Variants in GPSM1 observed in about 807,000 individuals in gnomAD.
The protein encoded by GPSM1 is G protein signaling modulator 1, also known as G protein-signaling modulator 1.
In GPSM1, 48 loss-of-function variants were observed where a neutral mutation model predicts 70.5. The observed-to-expected ratio is 0.68, with a 90% CI of 0.54 to 0.87. The LOEUF (loss-of-function observed/expected upper bound fraction) is 0.87, where lower values mean the gene tolerates loss of function less well. Ranked by LOEUF, GPSM1 falls within the 40% of genes least tolerant of loss-of-function variation. The pLI is 0.00. For missense variants in GPSM1, 981 were observed against 972.6 expected (o/e 1.01, Z -0.11); for synonymous variants, 416 against 430.1 (o/e 0.97, Z 0.41).
Position 136,337,073 on chromosome 9 carries a change from G to A in GPSM1, c.578+1G>A. 1.3e-6 allele frequency: 2 copies of A among 1,550,608 alleles called. No individual in the cohort carries two copies. The highest frequency in any genetic ancestry group is 1.7e-6 in the Non-Finnish European group (2 of 1,147,084). On this transcript the variant is annotated splice_donor_variant, in intron 4 of 13. Coordinates refer to ENST00000440944, the MANE Select transcript of GPSM1 (RefSeq NM_001145638.3). LOFTEE classifies it high-confidence loss of function. ...TGTGCAAGGCCTCCGAGTTCTACGA[G>A]TGAGTGGGGCAGGGCCAGCCCAGGG...
Position 136,352,513 on chromosome 9 carries a change from G to A in GPSM1, c.1455+2750G>A, listed in dbSNP as rs181503322. Reference sequence around the variant, plus strand: ...GGCAGGGTTGGCCTCAGAGGCTGGAGACAGTGTAGGTCCAACCAGGAATGA... The same window carrying A: ...GGCAGGGTTGGCCTCAGAGGCTGGAAACAGTGTAGGTCCAACCAGGAATGA... On this transcript the variant is annotated intron_variant, in intron 11 of 13. Coordinates refer to ENST00000440944, the MANE Select transcript of GPSM1 (RefSeq NM_001145638.3). 3.7e-4 allele frequency among the ~76,000 whole-genome samples: 56 copies of A among 152,364 alleles called. No homozygotes were observed. The East Asian group carries it at 9.6e-3, about 26-fold the overall frequency.
Position 136,327,776 on chromosome 9 carries a change from G to T in GPSM1, c.68+13G>T. 2 of 1,078,210 alleles carry T rather than the reference G, an allele frequency of 1.9e-6. No homozygotes were observed. The highest frequency in any genetic ancestry group is 2.3e-6 in the Non-Finnish European group (2 of 864,734). The allele number at this position is 1,078,210 out of a possible 1,614,324, so 66.8% of individuals were successfully genotyped here. ...GCCTCTACTCCAGGTAGGACGGGCC[G>T]GGGCCGGGGCCGGGGCCGGGGCTGG... On this transcript the variant is annotated intron_variant, in intron 1 of 13. Transcript: ENST00000440944.
chr9:136,331,446 A>G (rs1180076934), intron 1 of GPSM1, among the ~76,000 whole-genome samples: 1 of 143,004 alleles, frequency 7.0e-6, no homozygotes, highest in Admixed American at 6.9e-5. Flanking sequence ...GGTCGGGTGG[A>G]GCAGAGGAGG....
chr9:136,353,376 G>A (rs1327423673), intron 11 of GPSM1, among the ~76,000 whole-genome samples: 3 of 152,210 alleles, frequency 2.0e-5, no homozygotes, highest in Admixed American at 2.0e-4. Flanking sequence ...AGAGGTTAGA[G>A]CAGGGAGGCG....
At chr9:136,330,894 C>T (rs28457182) in intron 1 of GPSM1, among the ~76,000 whole-genome samples, 65,342 of 151,750 alleles carry the variant, frequency 0.43, 14,283 homozygotes, top group Middle Eastern at 0.54. Context: ...GGTCCTGCCC[C>T]GCCTTTGGCC....
At position 136,358,283 on chromosome 9, in the gene GPSM1, A is replaced by G. The variant is rs1055875428; in HGVS notation, c.*63A>G. ...TCCTGGACGCCGGTCTCACAGTCAC[A>G]GCCACGTCCTCCCGAGGCCATTGCC... On this transcript the variant is annotated 3_prime_UTR_variant, in exon 14 of 14. Coordinates refer to ENST00000440944, the MANE Select transcript of GPSM1 (RefSeq NM_001145638.3). 1 of 1,373,474 alleles carries G rather than the reference A, an allele frequency of 7.3e-7. No homozygotes were observed. The highest frequency in any genetic ancestry group is 1.0e-6 in the Non-Finnish European group (1 of 1,004,994). 85.1% of individuals were successfully genotyped at this position (1,373,474 alleles called of 1,614,324 possible).
intron 1 of GPSM1, among the ~76,000 whole-genome samples, chr9:136,328,658 C>T (rs569316051): frequency 7.2e-5 from 11 of 152,228 alleles, no homozygotes; most frequent in African/African-American, 2.4e-4. Flanking sequence ...CTGGGGCACC[C>T]GAAATGAGGT....
intron 11 of GPSM1, chr9:136,354,855 G>T: frequency 9.9e-7 from 1 of 1,005,084 alleles, no homozygotes; most frequent in Non-Finnish European, 1.2e-6. Flanking sequence ...CTGACACAGG[G>T]TGTGGTGGGC....
chr9:136,356,037 C>T (rs1288583873), intron 12 of GPSM1, among the ~76,000 whole-genome samples, 191 bp downstream of exon 12: 1 of 152,104 alleles, frequency 6.6e-6, no homozygotes, highest in Non-Finnish European at 1.5e-5. Flanking sequence ...ATCAGCCCGC[C>T]CTCCGGGACA....
intron 1 of GPSM1, 118 bp from the exon 2 acceptor site, chr9:136,334,329 G>C (rs551286663): frequency 1.4e-6 from 1 of 692,858 alleles, no homozygotes; most frequent in Non-Finnish European, 2.5e-6. Flanking sequence ...TGTGAGCACA[G>C]ATGTGGTGTG....
At chr9:136,348,644 C>G in intron 9 of GPSM1, 53 bp from the exon 10 acceptor site, 1 of 1,401,626 alleles carries the variant, frequency 7.1e-7, no homozygotes. Context: ...CCTGGCCCAC[C>G]CAATGCGAGG....
intron 7 of GPSM1, among the ~76,000 whole-genome samples, chr9:136,339,071 CAG>C (rs1336492381): frequency 6.6e-6 from 1 of 152,186 alleles, no homozygotes; most frequent in Non-Finnish European, 1.5e-5. Flanking sequence ...ACAAGGGGCT[CAG>C]AGCCACAGGC....
chr9:136,348,642 AC>A, intron 9 of GPSM1, 54 bp from the exon 10 acceptor site: 1 of 1,378,228 alleles, frequency 7.3e-7, no homozygotes, highest in East Asian at 2.4e-5. Flanking sequence ...GGCCTGGCCC[AC>A]CCAATGCGAG....
chr9:136,356,531 A>T lies in GPSM1; in HGVS notation c.1802A>T (p.Asn601Ile), dbSNP rs781926492. Residue 601 changes from asparagine (N) to isoleucine (I), a missense_variant, in exon 13 of 14, where the codon AAC becomes ATC. Transcript: ENST00000440944. ...CAGGAGCCGGGGGACGACTTCTTCA[A>T]CATGCTCATCAAGTACCAGGTGGGC... is the stretch of plus-strand genomic sequence containing the variant. ...EPQEPGDDFF[N>I]MLIKYQSSRI... 6.2e-7 allele frequency: 1 copy of T among 1,611,192 alleles called. No individual in the cohort carries two copies. The highest frequency in any genetic ancestry group is 1.3e-5 in the African/African-American group (1 of 74,828).
Position 136,349,749 on chromosome 9 carries a change from C to A in GPSM1, c.1441C>A (p.His481Asn). The change falls in exon 11 of 14, where the codon CAC becomes AAC. Residue 481 changes from histidine (H) to asparagine (N), a missense_variant. Physicochemically the swap from His to Asn is moderately conservative, Grantham distance 68. Coordinates refer to ENST00000440944, the MANE Select transcript of GPSM1 (RefSeq NM_001145638.3). The stretch of plus-strand genomic sequence containing the variant: ...GCTGGACAGCGCCGACGTCCGGGTG[C>A]ACGTGCCACGCACGGTAGGCGTCTT... ...SPLDSADVRVHVPRTSIPRAP... is the reference protein window; with the variant it reads ...SPLDSADVRVNVPRTSIPRAP... 6.3e-7 allele frequency: 1 copy of A among 1,580,910 alleles called. No individual in the cohort carries two copies. Among genetic ancestry groups the A allele is most frequent in the Non-Finnish European group, 8.6e-7 (1 of 1,165,244 alleles).
At chr9:136,352,227 A>G (rs1564355358) in intron 11 of GPSM1, among the ~76,000 whole-genome samples, 2,861 of 60,362 alleles carry the variant, frequency 0.047, 653 homozygotes, top group East Asian at 0.083. Context: ...GGTGACACCG[A>G]TGCTGCGCCG....
chr9:136,356,636 T>A (rs1166423086), intron 13 of GPSM1, 86 bp downstream of exon 13: 28 of 970,852 alleles, frequency 2.9e-5, no homozygotes, highest in African/African-American at 4.9e-5. Flanking sequence ...AGGGGTGAGG[T>A]GGGCGCTGGT....
chr9:136,338,601 G>A lies in GPSM1; in HGVS notation c.865G>A (p.Ala289Thr). The change falls in exon 7 of 14, where the codon GCG (alanine) becomes ACG (threonine). Residue 289 changes from alanine to threonine, a missense_variant. Coordinates refer to ENST00000440944, the MANE Select transcript of GPSM1 (RefSeq NM_001145638.3). ...GCAGCTCAGGGACCAGGCAGTGGAG[G>A]CGCAGGCCTGCTACAGTCTGGGCAA... ...SRQLRDQAVE[A>T]QACYSLGNTY... 3 of 1,611,008 alleles carry A rather than the reference G, an allele frequency of 1.9e-6. No homozygotes were observed. Among genetic ancestry groups the A allele is most frequent in the Non-Finnish European group, 2.5e-6 (3 of 1,179,358 alleles).
chr9:136,356,947 G>C lies in GPSM1; in HGVS notation c.1821+397G>C, dbSNP rs148955523. 7.9e-5 allele frequency among the ~76,000 whole-genome samples: 12 copies of C among 152,336 alleles called. No homozygotes were observed. The South Asian group carries it at 2.1e-3, about 26-fold the overall frequency. ...CAGATAGCACCCCCAGAGTGGGGAG[G>C]GCAGGGGGATCCAGGGCTGCCAGCT... On this transcript the variant is annotated intron_variant, in intron 13 of 13. Transcript: ENST00000440944.
Sources: gnomAD v4.1 joint callset for allele counts (sites outside exome capture counted in the v4.1 genomes callset) on GRCh38, gnomAD v4.1.1 for gene constraint, MANE v1.5 for transcripts, NCBI Gene and HGNC (gene_info 2026-07-23, HGNC 2026-07-21) for gene names.